RTN4R: variants seen among roughly 807,000 people sequenced by gnomAD.
The protein encoded by RTN4R is reticulon 4 receptor, also known as reticulon-4 receptor.
RTN4R carries 4 observed loss-of-function variants against 27.7 expected under a neutral mutation model. The ratio of observed to expected loss-of-function variants is 0.14; its 90% CI spans 0.07 to 0.33. The LOEUF is 0.33. Ranked by LOEUF, RTN4R falls within the 10% of genes least tolerant of loss-of-function variation. The pLI is 1.00. For missense variants in RTN4R, 554 were observed against 671.5 expected (o/e 0.83, Z 1.93); for synonymous variants, 290 against 305.6 (o/e 0.95, Z 0.53).
chr22:20,266,229 C>T (rs1480315225), intron 1 of RTN4R, among the ~76,000 whole-genome samples: 1 of 152,234 alleles, frequency 6.6e-6, no homozygotes, highest in Non-Finnish European at 1.5e-5. Flanking sequence ...CACCCTCACA[C>T]AACCTACAAG....
At chr22:20,266,995 G>A (rs1357082058) in intron 1 of RTN4R, among the ~76,000 whole-genome samples, 3 of 152,236 alleles carry the variant, frequency 2.0e-5, no homozygotes, top group African/African-American at 7.2e-5. Context: ...CTCAACAGAC[G>A]AGCATGTGGG....
In RTN4R at chr22:20,255,126, G is replaced by C. The variant is rs1569039679; in HGVS notation, c.23-12016C>G. Among the ~76,000 whole-genome samples the C allele has an allele frequency of 6.6e-6, 1 of 152,230 alleles. No homozygotes were observed. Among genetic ancestry groups the C allele is most frequent in the African/African-American group, 2.4e-5 (1 of 41,462 alleles). ...AGTGGCTGCCTCCCAGGAGGACGCG[G>C]GGCAGGGGCAGATTGAGCCCATTCT... On this transcript the variant is annotated intron_variant, in intron 1 of 1. Coordinates refer to ENST00000043402, the MANE Select transcript of RTN4R (RefSeq NM_023004.6). This position sits in a 1 kb window ranked among gnomAD's most constrained non-coding sequence, Gnocchi z 4.8.
chr22:20,261,210 C>T (rs1028415150), intron 1 of RTN4R, among the ~76,000 whole-genome samples: 1 of 152,180 alleles, frequency 6.6e-6, no homozygotes, highest in African/African-American at 2.4e-5. Context: ...CAGAGTCCAG[C>T]CTGGATCCCC....
Position 20,242,615 on chromosome 22 carries a change from G to T in RTN4R, c.518C>A (p.Thr173Asn). 6.2e-7 allele frequency: 1 copy of T among 1,612,958 alleles called. No individual in the cohort carries two copies. Among genetic ancestry groups the T allele is most frequent in the South Asian group, 1.1e-5 (1 of 91,052 alleles). The change falls in exon 2 of 2, where the codon ACC becomes AAC. Residue 173 changes from threonine to asparagine, a missense_variant. Thr to Asn is a moderately conservative substitution (Grantham distance 65). This residue lies in a region of RTN4R where 413 missense variants were observed against 542.3 expected (regional missense o/e 0.76). Coordinates refer to ENST00000043402, the MANE Select transcript of RTN4R (RefSeq NM_023004.6). ...TGTGAGGTTGCCCAGGTCGCGGAAGGTGTCATCAGGCAGTGCCTGCAGCGC... is the reference window on the plus strand; with the variant it reads ...TGTGAGGTTGCCCAGGTCGCGGAAGTTGTCATCAGGCAGTGCCTGCAGCGC... The part of the protein sequence containing the change: ...DNALQALPDD[T>N]FRDLGNLTHL...
Position 20,241,585 on chromosome 22 carries a change from T to C in RTN4R, c.*126A>G. ...AGATGGGGGTGGCGGGCGGCAGGCG[T>C]CCATCAGGGAGGACCTGGCCTGGCC... On this transcript the variant is annotated 3_prime_UTR_variant, in exon 2 of 2. Transcript: ENST00000043402. 9.9e-7 allele frequency: 1 copy of C among 1,012,984 alleles called. No homozygotes were observed. Among genetic ancestry groups the C allele is most frequent in the South Asian group, 1.6e-5 (1 of 64,298 alleles). The allele number at this position is 1,012,984 out of a possible 1,614,324, so 62.7% of individuals were successfully genotyped here. A position where few individuals can be genotyped will look rare whatever the true frequency, so the allele number is the denominator to read the frequency against.
At chr22:20,244,522 C>T (rs1337771225) in intron 1 of RTN4R, among the ~76,000 whole-genome samples, 1 of 152,242 alleles carries the variant, frequency 6.6e-6, no homozygotes, top group Admixed American at 6.5e-5. Flanking sequence ...GCCCCAGGGC[C>T]ATTTGTTGGC....
chr22:20,250,103 G>A (rs541365564), intron 1 of RTN4R, among the ~76,000 whole-genome samples: 3 of 152,344 alleles, frequency 2.0e-5, no homozygotes, highest in Admixed American at 6.5e-5. Flanking sequence ...TAAGAGGCAG[G>A]AGAGGATCCT....
In RTN4R at chr22:20,242,222, T is replaced by C. The variant is rs766703161; in HGVS notation, c.911A>G (p.Asn304Ser). Reference protein sequence around the residue: ...AGRDLKRLAANDLQGCAVATG... With the variant: ...AGRDLKRLAASDLQGCAVATG... The stretch of plus-strand genomic sequence containing the variant: ...GGCCACAGCGCAGCCCTGCAGGTCA[T>C]TGGCAGCTAGGCGTTTGAGGTCACG... The change falls in exon 2 of 2, where the codon AAT becomes AGT. Residue 304 changes from asparagine to serine, a missense_variant. Physicochemically the swap from Asn to Ser is conservative, Grantham distance 46. Around this residue, in one of 2 missense-constraint regions of RTN4R, gnomAD observed 413 missense variants for 542.3 expected, o/e 0.76. Transcript: ENST00000043402. 9.3e-6 allele frequency: 15 copies of C among 1,606,564 alleles called. No individual in the cohort carries two copies. The highest frequency in any genetic ancestry group is 2.7e-5 in the African/African-American group (2 of 74,822).
intron 1 of RTN4R, among the ~76,000 whole-genome samples, chr22:20,267,290 G>A (rs1477470547): frequency 6.6e-6 from 1 of 152,238 alleles, no homozygotes; most frequent in Non-Finnish European, 1.5e-5. Flanking sequence ...CATCAGCAGG[G>A]CAGCCTGGGT....
intron 1 of RTN4R, among the ~76,000 whole-genome samples, chr22:20,257,608 G>A (rs2145981640): frequency 6.6e-6 from 1 of 152,366 alleles, no homozygotes; most frequent in South Asian, 2.1e-4. Context: ...GTCAGGAAAT[G>A]TGCTTCCGTT....
intron 1 of RTN4R, among the ~76,000 whole-genome samples, chr22:20,254,562 G>C (rs551160068): frequency 2.0e-5 from 3 of 151,112 alleles, no homozygotes; most frequent in African/African-American, 7.3e-5. Context: ...ATTCTAGACC[G>C]AAACAATCCA....
chr22:20,251,828 T>TATCACCATCAC (rs2051180964), intron 1 of RTN4R, among the ~76,000 whole-genome samples: 1 of 16,510 alleles, frequency 6.1e-5, no homozygotes, highest in Non-Finnish European at 1.2e-4. Flanking sequence ...ATCACCATCA[T>TATCACCATCAC]TATCATCATC....
chr22:20,252,454 G>A (rs1044385016), intron 1 of RTN4R, among the ~76,000 whole-genome samples: 6 of 152,208 alleles, frequency 3.9e-5, no homozygotes, highest in African/African-American at 1.4e-4. Flanking sequence ...ATATCCCTGT[G>A]CTGCATCCTC....
At position 20,255,224 on chromosome 22, in the gene RTN4R, T is replaced by A. The variant is rs2051205348; in HGVS notation, c.23-12114A>T. The stretch of plus-strand genomic sequence containing the variant: ...TTGTTGACCGAATGTTATTATTTTT[T>A]AAAACAACTGCATATGTGGCACTAA... On this transcript the variant is annotated intron_variant, in intron 1 of 1. Coordinates refer to ENST00000043402, the MANE Select transcript of RTN4R (RefSeq NM_023004.6). The surrounding 1 kb of genome is among the most constrained non-coding windows in gnomAD (Gnocchi z 4.8). Among the ~76,000 whole-genome samples the A allele has an allele frequency of 6.6e-6, 1 of 152,130 alleles. No homozygotes were observed. Among genetic ancestry groups the A allele is most frequent in the South Asian group, 2.1e-4 (1 of 4,814 alleles).
rs991576888 is a variant in RTN4R, at chr22:20,241,624, G to A, written c.*87C>T. On this transcript the variant is annotated 3_prime_UTR_variant, in exon 2 of 2. Transcript: ENST00000043402. ...CCTGGCCTGGCCTGCCCCACGGGTC[G>A]GCCGCCCGGCTGGCTTGGCGGCGTG... The A allele has an allele frequency of 5.8e-5, 85 of 1,476,660 alleles. 1 individual carries two copies. The highest frequency in any genetic ancestry group is 3.2e-4 in the Admixed American group (16 of 50,184). 91.5% of individuals were successfully genotyped at this position (1,476,660 alleles called of 1,614,324 possible).
At chr22:20,249,471 A>C (rs1483173320) in intron 1 of RTN4R, among the ~76,000 whole-genome samples, 1 of 152,234 alleles carries the variant, frequency 6.6e-6, no homozygotes, top group Non-Finnish European at 1.5e-5. Context: ...CTGTGAGCCC[A>C]GAGTGTCGGC....
intron 1 of RTN4R, among the ~76,000 whole-genome samples, chr22:20,264,091 GGGAGAGGCA>G (rs2051263105): frequency 6.6e-6 from 1 of 152,206 alleles, no homozygotes; most frequent in African/African-American, 2.4e-5. Context: ...CAAGCATCGG[GGGAGAGGCA>G]CGTGACCAGA....
chr22:20,245,708 C>T (rs34909867), intron 1 of RTN4R, among the ~76,000 whole-genome samples: 9,356 of 152,338 alleles, frequency 0.061, 427 homozygotes, highest in South Asian at 0.14. Flanking sequence ...GCCTGGCCAA[C>T]TCTAATAGGA....
intron 1 of RTN4R, among the ~76,000 whole-genome samples, chr22:20,245,137 A>G (rs1175057806): frequency 6.6e-6 from 1 of 152,194 alleles, no homozygotes; most frequent in Admixed American, 6.5e-5. Context: ...GAACTGAGCC[A>G]CACGGTGGTG....
Sources: allele counts gnomAD v4.1 joint callset (sites outside exome capture counted in the v4.1 genomes callset), GRCh38; gene constraint gnomAD v4.1.1; regional missense constraint gnomAD v4.1.1; non-coding constraint Gnocchi (gnomAD v3.1); transcripts MANE v1.5; gene names NCBI Gene and HGNC (gene_info 2026-07-23, HGNC 2026-07-21).